HAT1: variants seen among roughly 807,000 people sequenced by gnomAD.
HAT1 encodes histone acetyltransferase type B catalytic subunit.
A neutral mutation model predicts 56.6 loss-of-function variants in HAT1; 20 were observed. That is an observed-to-expected ratio of 0.35 (90% CI 0.25 to 0.51). The LOEUF (loss-of-function observed/expected upper bound fraction) is 0.51, where lower values mean the gene tolerates loss of function less well. Ranked by LOEUF, HAT1 falls within the 20% of genes least tolerant of loss-of-function variation. The pLI is 0.95. For synonymous variants in HAT1, 146 were observed against 165.5 expected, an observed-to-expected ratio of 0.88 and a Z score of 0.91; for missense variants, 408 against 504.3, an observed-to-expected ratio of 0.81 and a Z score of 1.83.
chr2:171,960,737 C>CCTCCTG (rs1687552192), intron 4 of HAT1, among the ~76,000 whole-genome samples: 1 of 152,046 alleles, frequency 6.6e-6, no homozygotes, highest in South Asian at 2.1e-4. Flanking sequence ...TTTATTAACA[C>CCTCCTG]CTCCTGCTCT....
chr2:171,972,972 T>C (rs1687856286), intron 8 of HAT1, among the ~76,000 whole-genome samples: 1 of 152,240 alleles, frequency 6.6e-6, no homozygotes, highest in Non-Finnish European at 1.5e-5. Context: ...CCTTTCTGGT[T>C]ATCTATGGCA....
At chr2:171,936,658 A>G (rs1686879958) in intron 2 of HAT1, among the ~76,000 whole-genome samples, 1 of 152,150 alleles carries the variant, frequency 6.6e-6, no homozygotes, top group Non-Finnish European at 1.5e-5. Context: ...TAATGTTGAG[A>G]TACCTCATTT....
At chr2:171,932,870 A>G (rs1686780480) in intron 2 of HAT1, among the ~76,000 whole-genome samples, 1 of 152,238 alleles carries the variant, frequency 6.6e-6, no homozygotes, top group East Asian at 1.9e-4. Flanking sequence ...CGCTGTCTCA[A>G]AAAATAAAAT....
intron 10 of HAT1, chr2:171,980,902 G>C (rs1346563948): frequency 6.6e-6 from 1 of 151,436 alleles, no homozygotes; most frequent in Non-Finnish European, 1.5e-5. Context: ...AGGTGCGGTG[G>C]TTCACGTCTA....
intron 4 of HAT1, among the ~76,000 whole-genome samples, chr2:171,960,632 C>G (rs1318840577): frequency 2.6e-5 from 4 of 152,146 alleles, no homozygotes; most frequent in Non-Finnish European, 4.4e-5. Context: ...TAGCCACCAT[C>G]TTTAAAGGAA....
chr2:171,924,028 C>G (rs925205876), intron 1 of HAT1: 2 of 152,142 alleles, frequency 1.3e-5, no homozygotes, highest in African/African-American at 4.8e-5. Flanking sequence ...AGCTTACTAG[C>G]TCAGTAAGTG....
At chr2:171,957,315 T>C (rs2105329191) in intron 4 of HAT1, among the ~76,000 whole-genome samples, 1 of 152,226 alleles carries the variant, frequency 6.6e-6, no homozygotes, top group East Asian at 1.9e-4. Context: ...TGAAACCTAA[T>C]GGAGTTTGCC....
intron 2 of HAT1, among the ~76,000 whole-genome samples, chr2:171,935,628 G>T (rs1686855626): frequency 6.6e-6 from 1 of 151,866 alleles, no homozygotes; most frequent in African/African-American, 2.4e-5. Context: ...TGTAATCCCA[G>T]CACTTTGGGA....
chr2:171,927,344 G>A (rs1355203545), intron 2 of HAT1, among the ~76,000 whole-genome samples: 1 of 152,306 alleles, frequency 6.6e-6, no homozygotes, highest in South Asian at 2.1e-4. Flanking sequence ...ATTAAATATG[G>A]AGTTAAATAT....
intron 2 of HAT1, 47 bp from the exon 3 acceptor site, chr2:171,946,661 A>G: frequency 9.4e-7 from 1 of 1,059,318 alleles, no homozygotes; most frequent in South Asian, 1.3e-5. Flanking sequence ...CACCTTCAAT[A>G]TCTTTAGTTA....
Position 171,979,312 on chromosome 2 carries a change from A to G in HAT1, c.1041A>G (p.Gln347=). 6.2e-7 allele frequency: 1 copy of G among 1,608,434 alleles called. No homozygotes were observed. The highest frequency in any genetic ancestry group is 8.5e-7 in the Non-Finnish European group (1 of 1,175,038). The change falls in exon 10 of 11, where the codon CAA becomes CAG. Residue 347 remains glutamine, a synonymous_variant. Coordinates refer to ENST00000264108, the MANE Select transcript of HAT1 (RefSeq NM_003642.4). ...LLVTDMSDAE[Q]YRSYRLDIKR... Reference sequence around the variant, plus strand: ...TAACTGACATGAGTGATGCCGAACAATACAGAAGCTACAGACTGGATATTA... The same window carrying G: ...TAACTGACATGAGTGATGCCGAACAGTACAGAAGCTACAGACTGGATATTA...
At chr2:171,975,253 C>T (rs749653953) in intron 8 of HAT1, among the ~76,000 whole-genome samples, 5 of 151,810 alleles carry the variant, frequency 3.3e-5, no homozygotes, top group East Asian at 1.9e-4. Context: ...TACAGGCCTG[C>T]GCCACCACTC....
rs1356847532 is a variant in HAT1, at chr2:171,970,613, G to A, written c.823+3664G>A. On this transcript the variant is annotated intron_variant, in intron 8 of 10. Coordinates refer to ENST00000264108, the MANE Select transcript of HAT1 (RefSeq NM_003642.4). ...TGGTTCACTGCAACCTCCACCTCCCGGGTTCAAGCAATTCTCCTGCCTCAG... is the reference window on the plus strand; with the variant it reads ...TGGTTCACTGCAACCTCCACCTCCCAGGTTCAAGCAATTCTCCTGCCTCAG... Among the ~76,000 whole-genome samples the A allele has an allele frequency of 2.5e-4, 33 of 132,058 alleles. 1 individual carries two copies. Among genetic ancestry groups the A allele is most frequent in the Admixed American group, 1.9e-3 (22 of 11,560 alleles). The allele number at this position is 132,058 out of a possible 152,430, so 86.6% of individuals were successfully genotyped here.
chr2:171,941,749 C>T (rs1045170020), intron 2 of HAT1, among the ~76,000 whole-genome samples: 5 of 152,170 alleles, frequency 3.3e-5, no homozygotes, highest in African/African-American at 1.2e-4. Flanking sequence ...TTCCAGCTTA[C>T]CCATTACTCA....
intron 2 of HAT1, among the ~76,000 whole-genome samples, chr2:171,926,724 C>T (rs1433816849): frequency 6.6e-6 from 1 of 152,336 alleles, no homozygotes; most frequent in Admixed American, 6.5e-5. Context: ...CCACAGCGCC[C>T]CTCCTGGTTT....
intron 10 of HAT1, among the ~76,000 whole-genome samples, chr2:171,981,392 T>C (rs972451156): frequency 6.6e-6 from 1 of 152,190 alleles, no homozygotes; most frequent in Admixed American, 6.5e-5. Context: ...ATTAACTAAC[T>C]GTATCAGGTA....
chr2:171,924,765 C>A (rs1264218084), intron 1 of HAT1: 1 of 152,132 alleles, frequency 6.6e-6, no homozygotes, highest in East Asian at 1.9e-4. Context: ...TTTGTGTATT[C>A]TTCTTGAGAC....
intron 2 of HAT1, among the ~76,000 whole-genome samples, chr2:171,937,516 A>G (rs772344294): frequency 2.0e-5 from 3 of 152,200 alleles, no homozygotes; most frequent in Non-Finnish European, 4.4e-5. Flanking sequence ...CAGACCAAGG[A>G]CCAAGTCTTG....
At chr2:171,946,680 A>G in intron 2 of HAT1, 28 bp from the exon 3 acceptor site, 7 of 1,283,762 alleles carry the variant, frequency 5.5e-6, no homozygotes, top group Non-Finnish European at 7.9e-6. Context: ...TATCTTTAAT[A>G]TCTCTATTTT....
Sources: allele counts gnomAD v4.1 joint callset (sites outside exome capture counted in the v4.1 genomes callset), GRCh38; gene constraint gnomAD v4.1.1; transcripts MANE v1.5; gene names NCBI Gene and HGNC (gene_info 2026-07-23, HGNC 2026-07-21).